Variants in PTPRD observed in about 807,000 individuals in gnomAD.
The protein encoded by PTPRD is receptor-type tyrosine-protein phosphatase delta.
In PTPRD, 34 loss-of-function variants were observed where a neutral mutation model predicts 214.5. The ratio of observed to expected loss-of-function variants is 0.16; its 90% CI spans 0.12 to 0.21. The LOEUF (loss-of-function observed/expected upper bound fraction) is 0.21. PTPRD is among the 10% of genes least tolerant of loss of function. The pLI is 1.00. For missense variants in PTPRD, 2,545 were observed against 2,398.7 expected (o/e 1.06, Z -1.27); for synonymous variants, 1,128 against 845.7 (o/e 1.33, Z -5.79).
intron 9 of PTPRD, among the ~76,000 whole-genome samples, chr9:9,202,053 T>C (rs574823388): frequency 2.6e-5 from 4 of 152,310 alleles, no homozygotes; most frequent in African/African-American, 9.6e-5. Context: ...AACCGGAAGA[T>C]AAGAAAAGCC....
intron 5 of PTPRD, among the ~76,000 whole-genome samples, chr9:9,937,012 G>A (rs1470084486): frequency 1.3e-5 from 2 of 151,798 alleles, no homozygotes; most frequent in South Asian, 2.1e-4. Flanking sequence ...ACTCATAGGT[G>A]GGAATTGAAC....
chr9:9,320,273 C>T (rs1965808757), intron 9 of PTPRD, among the ~76,000 whole-genome samples: 1 of 151,798 alleles, frequency 6.6e-6, no homozygotes, highest in Admixed American at 6.6e-5. Context: ...TTTTCCCTCA[C>T]ATATCATCAC....
At chr9:9,186,688 C>T (rs1396853515) in intron 9 of PTPRD, among the ~76,000 whole-genome samples, 6 of 151,322 alleles carry the variant, frequency 4.0e-5, no homozygotes, top group South Asian at 2.1e-4. Flanking sequence ...CACAAACACA[C>T]GTATCCTAAT....
At chr9:10,108,740 A>G (rs191877760) in intron 3 of PTPRD, among the ~76,000 whole-genome samples, 195 of 152,152 alleles carry the variant, frequency 1.3e-3, no homozygotes, top group African/African-American at 4.6e-3. Flanking sequence ...GAATGAATGG[A>G]AAAAAATGTG....
intron 33 of PTPRD, chr9:8,454,490 G>T (rs1285444398): frequency 4.3e-6 from 6 of 1,395,704 alleles, no homozygotes; most frequent in Non-Finnish European, 6.0e-6. Flanking sequence ...TTTGTGTGCA[G>T]CCCCGCCCTC....
chr9:8,507,331 C>A lies in PTPRD; in HGVS notation c.1647G>T (p.Leu549=). The A allele has an allele frequency of 6.2e-7, 1 of 1,613,954 alleles. No homozygotes were observed. The highest frequency in any genetic ancestry group is 1.3e-5 in the African/African-American group (1 of 75,022). Residue 549 remains leucine (L), a synonymous_variant, in exon 22 of 46, where the codon CTG becomes CTT. Transcript: ENST00000381196. ...CTCCATGCTCCCCATCTTTGTAGAC[C>A]AGTTCATAGTTGGCAATGGTATCTG... ...PRSDTIANYE[L]VYKDGEHGEE... is the part of the protein sequence containing the mutation.
chr9:10,370,290 C>T (rs899686057), intron 2 of PTPRD, among the ~76,000 whole-genome samples: 3 of 152,070 alleles, frequency 2.0e-5, no homozygotes, highest in Non-Finnish European at 4.4e-5. Flanking sequence ...TATTAGAACG[C>T]ATGTTCACAA....
chr9:9,611,661 G>T (rs2094521276), intron 7 of PTPRD, among the ~76,000 whole-genome samples: 1 of 151,936 alleles, frequency 6.6e-6, no homozygotes, highest in South Asian at 2.1e-4. Context: ...ACCCACGTGT[G>T]TATCCATTGT....
At chr9:9,679,689 C>T (rs947375500) in intron 7 of PTPRD, among the ~76,000 whole-genome samples, 4 of 151,708 alleles carry the variant, frequency 2.6e-5, no homozygotes, top group South Asian at 4.1e-4. Context: ...AACTTGTTAG[C>T]GATTAACAGA....
intron 14 of PTPRD, among the ~76,000 whole-genome samples, chr9:8,606,503 A>G (rs2095222310): frequency 6.6e-6 from 1 of 152,194 alleles, no homozygotes; most frequent in Non-Finnish European, 1.5e-5. Context: ...TATGATGTAT[A>G]AAAGAGATGA....
chr9:8,661,247 C>T (rs1382804099), intron 12 of PTPRD, among the ~76,000 whole-genome samples: 1 of 152,038 alleles, frequency 6.6e-6, no homozygotes, highest in Non-Finnish European at 1.5e-5. Context: ...AGAGAAAATC[C>T]TAAAGGAGAA....
chr9:10,167,606 T>C (rs891688972), intron 3 of PTPRD, among the ~76,000 whole-genome samples: 2 of 152,180 alleles, frequency 1.3e-5, no homozygotes, highest in African/African-American at 2.4e-5. Flanking sequence ...TAGAAGTGGA[T>C]GTACGGAGTT....
chr9:9,967,803 AAG>A (rs1160409902), intron 4 of PTPRD, among the ~76,000 whole-genome samples: 10 of 152,176 alleles, frequency 6.6e-5, no homozygotes, highest in African/African-American at 2.4e-4. Context: ...AGGTAAATCA[AAG>A]AGAATTGTTA....
At chr9:8,841,534 T>G (rs2097557716) in intron 11 of PTPRD, among the ~76,000 whole-genome samples, 1 of 152,216 alleles carries the variant, frequency 6.6e-6, no homozygotes, top group Non-Finnish European at 1.5e-5. Context: ...CAGCATTGTA[T>G]AAATACAATC....
chr9:10,487,703 G>C (rs1339855366), intron 2 of PTPRD, among the ~76,000 whole-genome samples: 2 of 152,012 alleles, frequency 1.3e-5, no homozygotes, highest in African/African-American at 4.8e-5. Context: ...GGCCTGTTGG[G>C]GGGTGGAGGG....
chr9:8,862,422 A>T (rs919796208), intron 11 of PTPRD, among the ~76,000 whole-genome samples: 1 of 152,196 alleles, frequency 6.6e-6, no homozygotes, highest in African/African-American at 2.4e-5. Flanking sequence ...AGAAAAGAAG[A>T]TATTAATTAA....
intron 3 of PTPRD, among the ~76,000 whole-genome samples, chr9:10,282,246 T>A (rs2095155028): frequency 6.6e-6 from 1 of 152,192 alleles, no homozygotes; most frequent in South Asian, 2.1e-4. Context: ...CTTATAGGAT[T>A]AGGCAGTAAC....
At chr9:8,539,808 G>T (rs1421586409) in intron 14 of PTPRD, among the ~76,000 whole-genome samples, 1 of 152,034 alleles carries the variant, frequency 6.6e-6, no homozygotes, top group African/African-American at 2.4e-5. Flanking sequence ...ACTCTTCCAG[G>T]TTGACAAGTA....
At chr9:9,729,113 T>C (rs1056812530) in intron 7 of PTPRD, among the ~76,000 whole-genome samples, 5 of 152,126 alleles carry the variant, frequency 3.3e-5, no homozygotes, top group African/African-American at 1.2e-4. Flanking sequence ...CCATTTCCGT[T>C]TGAGTAGTTT....
Sources: allele counts gnomAD v4.1 joint callset (sites outside exome capture counted in the v4.1 genomes callset), GRCh38; gene constraint gnomAD v4.1.1; transcripts MANE v1.5; gene names NCBI Gene and HGNC (gene_info 2026-07-23, HGNC 2026-07-21).